Variants in SNX29 observed in about 807,000 individuals in gnomAD.
SNX29 encodes the protein sorting nexin-29.
In SNX29, 78 loss-of-function variants were observed where a neutral mutation model predicts 102.1. The ratio of observed to expected loss-of-function variants is 0.76; its 90% CI spans 0.64 to 0.92. The LOEUF (loss-of-function observed/expected upper bound fraction) is 0.92. SNX29 is among the 40% of genes least tolerant of loss of function. The pLI is 0.00. For synonymous variants in SNX29, 580 were observed against 414.5 expected (o/e 1.40, Z -4.85); for missense variants, 1,280 against 1,061.7 (o/e 1.21, Z -2.86).
At chr16:12,562,300 A>G (rs2078770776) in intron 20 of SNX29, among the ~76,000 whole-genome samples, 1 of 152,132 alleles carries the variant, frequency 6.6e-6, no homozygotes, top group Admixed American at 6.5e-5. Flanking sequence ...ATCAAACGTT[A>G]TCGTTGGCTT....
chr16:12,567,853 C>G (rs924800150), intron 20 of SNX29, among the ~76,000 whole-genome samples: 4 of 152,180 alleles, frequency 2.6e-5, no homozygotes, highest in East Asian at 1.9e-4. Context: ...AGCCTCTACC[C>G]TATCCCCTAA....
intron 19 of SNX29, among the ~76,000 whole-genome samples, chr16:12,500,705 C>G (rs1192289875): frequency 6.6e-6 from 1 of 152,226 alleles, no homozygotes; most frequent in Non-Finnish European, 1.5e-5. Flanking sequence ...CATCTGAGAG[C>G]TTGTCGGATG....
intron 13 of SNX29, among the ~76,000 whole-genome samples, chr16:12,179,917 C>A (rs573214493): frequency 6.6e-6 from 1 of 152,140 alleles, no homozygotes; most frequent in Non-Finnish European, 1.5e-5. Context: ...TTTCTCTAAA[C>A]GTCAGCGATT....
At chr16:12,182,536 C>A (rs1227402777) in intron 13 of SNX29, among the ~76,000 whole-genome samples, 1 of 152,242 alleles carries the variant, frequency 6.6e-6, no homozygotes, top group South Asian at 2.1e-4. Flanking sequence ...GATAGTGATT[C>A]CTTCAGCACT....
intron 19 of SNX29, among the ~76,000 whole-genome samples, chr16:12,524,078 GT>G: frequency 6.6e-6 from 1 of 152,228 alleles, no homozygotes; most frequent in African/African-American, 2.4e-5. Flanking sequence ...GAAACGTGGG[GT>G]TTCTCCAGGT....
intron 16 of SNX29, among the ~76,000 whole-genome samples, chr16:12,393,672 T>C (rs1000721991): frequency 6.6e-6 from 1 of 152,220 alleles, no homozygotes; most frequent in Non-Finnish European, 1.5e-5. Flanking sequence ...ATTCATATTT[T>C]GGCTGAGTCT....
intron 15 of SNX29, 90 bp downstream of exon 15, chr16:12,278,126 G>C: frequency 2.6e-6 from 3 of 1,160,526 alleles, no homozygotes; most frequent in Admixed American, 4.2e-5. Flanking sequence ...CTAAAGACAC[G>C]TGAGCAAAAC....
At chr16:12,177,049 G>A (rs1249582138) in intron 13 of SNX29, among the ~76,000 whole-genome samples, 1 of 152,098 alleles carries the variant, frequency 6.6e-6, no homozygotes, top group African/African-American at 2.4e-5. Flanking sequence ...CTGGGATCAA[G>A]CAATCCTCCT....
chr16:12,563,118 A>AG (rs989468830), intron 20 of SNX29, among the ~76,000 whole-genome samples: 24 of 152,016 alleles, frequency 1.6e-4, no homozygotes, highest in African/African-American at 5.1e-4. Context: ...AACAGAGCCT[A>AG]GGAAAGGTCG....
chr16:12,181,415 A>G (rs2076382072), intron 13 of SNX29, among the ~76,000 whole-genome samples: 1 of 152,172 alleles, frequency 6.6e-6, no homozygotes, highest in Non-Finnish European at 1.5e-5. Flanking sequence ...GGTCCTAGGT[A>G]GATTAGAGAC....
intron 20 of SNX29, among the ~76,000 whole-genome samples, chr16:12,543,290 C>T (rs78507434): frequency 0.013 from 1,919 of 152,278 alleles, 37 homozygotes; most frequent in East Asian, 0.063. Context: ...TGGGTCCGTG[C>T]CTGTGGCCCG....
chr16:12,396,367 G>A (rs1232492650), intron 16 of SNX29, among the ~76,000 whole-genome samples: 1 of 152,128 alleles, frequency 6.6e-6, no homozygotes, highest in Admixed American at 6.5e-5. Flanking sequence ...AGGTTCCTGG[G>A]TGCAAACTCT....
At chr16:12,272,615 ATATAATCATAG>A (rs1460338501) in intron 14 of SNX29, among the ~76,000 whole-genome samples, 2 of 152,226 alleles carry the variant, frequency 1.3e-5, no homozygotes, top group African/African-American at 4.8e-5. Flanking sequence ...TATCACTAAC[ATATAATCATAG>A]TTTACACATA....
chr16:12,147,823 C>T (rs1230379778), intron 13 of SNX29, among the ~76,000 whole-genome samples: 1 of 152,160 alleles, frequency 6.6e-6, no homozygotes, highest in Admixed American at 6.5e-5. Flanking sequence ...TAAATATAGC[C>T]AGGATGTGAA....
intron 20 of SNX29, chr16:12,556,218 A>C (rs919824375): frequency 6.6e-6 from 1 of 152,070 alleles, no homozygotes; most frequent in Non-Finnish European, 1.5e-5. Flanking sequence ...GGGTCTTCCA[A>C]TTGTGAGGTT....
intron 14 of SNX29, among the ~76,000 whole-genome samples, chr16:12,233,448 A>AGG (rs983388813): frequency 7.2e-5 from 11 of 152,304 alleles, no homozygotes; most frequent in African/African-American, 2.6e-4. Context: ...AAGGGGAGGA[A>AGG]GGGAGGAGCA....
chr16:12,205,180 TTTCTGAACCATTGCAGGC>T (rs1424416695), intron 14 of SNX29, among the ~76,000 whole-genome samples: 7 of 152,214 alleles, frequency 4.6e-5, no homozygotes, highest in Admixed American at 6.5e-5. Flanking sequence ...TTATTCTTTT[TTTCTGAACCATTGCAGGC>T]TTCTGAACCA....
At chr16:12,058,126 G>A (rs1226888475) in intron 8 of SNX29, among the ~76,000 whole-genome samples, 1 of 151,822 alleles carries the variant, frequency 6.6e-6, no homozygotes, top group Non-Finnish European at 1.5e-5. Flanking sequence ...GGCCTAATGA[G>A]TTAATATTGA....
intron 20 of SNX29, among the ~76,000 whole-genome samples, chr16:12,525,700 C>G (rs907975741): frequency 1.0e-5 from 1 of 96,308 alleles, no homozygotes; most frequent in Non-Finnish European, 1.9e-5. Context: ...CCCCCCCCAC[C>G]CCCCCCCCCA....
Sources: allele counts gnomAD v4.1 joint callset (sites outside exome capture counted in the v4.1 genomes callset), GRCh38; gene constraint gnomAD v4.1.1; transcripts MANE v1.5; gene names NCBI Gene and HGNC (gene_info 2026-07-23, HGNC 2026-07-21).